TLN2: variants seen among roughly 807,000 people sequenced by gnomAD.
TLN2 encodes the protein talin-2.
Under a neutral mutation model 294.7 loss-of-function variants are expected in TLN2, and 118 were observed. The observed-to-expected ratio is 0.40, with a 90% CI of 0.34 to 0.47. TLN2 has a LOEUF of 0.47. TLN2 is among the 20% of genes least tolerant of loss of function. The pLI is 0.84. For missense variants in TLN2, 3,083 were observed against 3,282.2 expected, an observed-to-expected ratio of 0.94 and a Z score of 1.48; for synonymous variants, 1,431 against 1,304.5, an observed-to-expected ratio of 1.10 and a Z score of -2.09.
rs2046735102 is a variant in TLN2, at chr15:62,598,553, C to A, written c.-162+8791C>A. On this transcript the variant is annotated intron_variant, in intron 2 of 58. Coordinates refer to ENST00000636159, the MANE Select transcript of TLN2 (RefSeq NM_015059.3). ...GGAGAAGCTGGACCTCTTACCCAAC[C>A]CTGCTGGTAAATGGGAAAAGGTGTT... Among the ~76,000 whole-genome samples, 6 of 152,080 alleles carry A rather than the reference C, an allele frequency of 3.9e-5. No individual in the cohort carries two copies. In the South Asian group the frequency reaches 1.2e-3, roughly 32 times the overall value.
chr15:62,662,823 T>TTTG (rs1555461150), intron 9 of TLN2, among the ~76,000 whole-genome samples: 2 of 4,876 alleles, frequency 4.1e-4, no homozygotes, highest in Non-Finnish European at 3.3e-3. Context: ...ATTGAGAGAG[T>TTTG]TTTTTTTTTT....
intron 54 of TLN2, chr15:62,832,024 A>G (rs2068902468): frequency 1.3e-5 from 2 of 151,862 alleles, no homozygotes; most frequent in Non-Finnish European, 2.9e-5. Flanking sequence ...ATGCTGCCAC[A>G]TCACCTTGGC....
At chr15:62,662,219 T>C (rs1452776927) in intron 9 of TLN2, among the ~76,000 whole-genome samples, 2 of 151,950 alleles carry the variant, frequency 1.3e-5, no homozygotes. Flanking sequence ...TTAAGGGATG[T>C]TAAAAAGCAG....
chr15:62,832,106 A>ATTTTT (rs1555524776), intron 54 of TLN2: 5 of 26,906 alleles, frequency 1.9e-4, no homozygotes, highest in East Asian at 1.4e-3. Flanking sequence ...CCAATATACG[A>ATTTTT]TCTTTTTTTT....
chr15:62,830,242 T>C (rs1480026198), intron 54 of TLN2: 1 of 152,114 alleles, frequency 6.6e-6, no homozygotes, highest in Non-Finnish European at 1.5e-5. Context: ...CAGTAACATC[T>C]CAGCTAAAGA....
intron 32 of TLN2, among the ~76,000 whole-genome samples, chr15:62,747,134 G>A (rs188004106): frequency 2.7e-4 from 41 of 152,224 alleles, no homozygotes; most frequent in African/African-American, 7.7e-4. Context: ...AGTTAACTAC[G>A]AATGGCCATG....
At chr15:62,723,489 G>C (rs1196116053) in intron 26 of TLN2, among the ~76,000 whole-genome samples, 1 of 151,722 alleles carries the variant, frequency 6.6e-6, no homozygotes, top group Non-Finnish European at 1.5e-5. Context: ...CCCTAAAGTG[G>C]GACTCAAGCA....
At chr15:62,657,725 T>G in intron 8 of TLN2, 46 bp from the exon 9 acceptor site, 3 of 1,594,588 alleles carry the variant, frequency 1.9e-6, no homozygotes, top group Non-Finnish European at 2.6e-6. Flanking sequence ...AGAGAACGTG[T>G]CACTCCCCGA....
chr15:62,761,497 A>G (rs191806164), intron 37 of TLN2, among the ~76,000 whole-genome samples, 184 bp from the exon 38 acceptor site: 1 of 152,214 alleles, frequency 6.6e-6, no homozygotes, highest in East Asian at 1.9e-4. Flanking sequence ...CACAACATCT[A>G]ACTGGGCCCC....
At chr15:62,659,881 A>T (rs1337942354) in intron 9 of TLN2, among the ~76,000 whole-genome samples, 1 of 152,182 alleles carries the variant, frequency 6.6e-6, no homozygotes, top group Non-Finnish European at 1.5e-5. Context: ...TGAGGATATA[A>T]GTCCCTTCTT....
chr15:62,804,489 T>G, intron 50 of TLN2, among the ~76,000 whole-genome samples: 1 of 152,086 alleles, frequency 6.6e-6, no homozygotes, highest in East Asian at 1.9e-4. Context: ...TCCCAGCTAC[T>G]CAGGAGGCTG....
intron 50 of TLN2, among the ~76,000 whole-genome samples, chr15:62,803,177 A>G (rs2066048396): frequency 6.6e-6 from 1 of 152,110 alleles, no homozygotes; most frequent in Non-Finnish European, 1.5e-5. Context: ...TTCCACTGAG[A>G]AGTCTGCTGC....
At chr15:62,522,150 CACA>C (rs2040492974) in intron 1 of TLN2, among the ~76,000 whole-genome samples, 3 of 152,264 alleles carry the variant, frequency 2.0e-5, no homozygotes, top group East Asian at 3.9e-4. Context: ...GTCTTTGGTT[CACA>C]GTGTGGATGC....
intron 1 of TLN2, among the ~76,000 whole-genome samples, chr15:62,410,670 C>T (rs746556263): frequency 4.6e-5 from 7 of 152,158 alleles, no homozygotes; most frequent in Admixed American, 1.3e-4. Context: ...GAGGGATGGG[C>T]GCAGCCTCTT....
intron 2 of TLN2, among the ~76,000 whole-genome samples, chr15:62,613,440 G>A (rs548731865): frequency 1.1e-4 from 17 of 152,292 alleles, no homozygotes; most frequent in African/African-American, 1.4e-4. Context: ...CATAGAGCTC[G>A]TGTGGAGTAA....
At chr15:62,722,293 C>G in intron 25 of TLN2, 60 bp from the exon 26 acceptor site, 3 of 1,540,314 alleles carry the variant, frequency 1.9e-6, no homozygotes, top group Non-Finnish European at 2.6e-6. Flanking sequence ...CTGCTTAGGT[C>G]TCTCCTCTCT....
At chr15:62,549,480 G>GCATC (rs58665636) in intron 1 of TLN2, among the ~76,000 whole-genome samples, 23,730 of 147,786 alleles carry the variant, frequency 0.16, 1,895 homozygotes, top group Middle Eastern at 0.18. Flanking sequence ...TGCATGCCAT[G>GCATC]CATCCATCCA....
chr15:62,562,535 A>ATTTT (rs2140601658), intron 1 of TLN2, among the ~76,000 whole-genome samples: 1 of 112,158 alleles, frequency 8.9e-6, no homozygotes, highest in East Asian at 2.0e-4. Context: ...TCCTCCATTT[A>ATTTT]TTTATTTATT....
intron 1 of TLN2, among the ~76,000 whole-genome samples, chr15:62,424,229 G>C (rs1184140816): frequency 2.0e-5 from 3 of 152,194 alleles, no homozygotes; most frequent in Admixed American, 2.0e-4. Context: ...GTAGTGATTG[G>C]GGTGGTTGTG....
Sources: gnomAD v4.1 joint callset for allele counts (sites outside exome capture counted in the v4.1 genomes callset) on GRCh38, gnomAD v4.1.1 for gene constraint, MANE v1.5 for transcripts, NCBI Gene and HGNC (gene_info 2026-07-23, HGNC 2026-07-21) for gene names.